Variants in SLC7A6 observed in about 807,000 individuals in gnomAD.
The protein encoded by SLC7A6 is Y+L amino acid transporter 2.
Under a neutral mutation model 46.6 loss-of-function variants are expected in SLC7A6, and 29 were observed. The ratio of observed to expected loss-of-function variants is 0.62; its 90% confidence interval spans 0.46 to 0.85. The LOEUF is 0.85. Ranked by LOEUF, SLC7A6 falls within the 40% of genes least tolerant of loss-of-function variation. The pLI, the probability that SLC7A6 is intolerant of heterozygous loss-of-function variation, is 0.00. For missense variants in SLC7A6, 527 were observed against 647.6 expected, an observed-to-expected ratio of 0.81 and a Z score of 2.02; for synonymous variants, 276 against 257.3, an observed-to-expected ratio of 1.07 and a Z score of -0.70.
At chr16:68,282,150 T>C (rs2042839533) in intron 3 of SLC7A6, among the ~76,000 whole-genome samples, 1 of 152,226 alleles carries the variant, frequency 6.6e-6, no homozygotes, top group Non-Finnish European at 1.5e-5. Flanking sequence ...CAGACAACTT[T>C]CTTGTTCTGA....
At chr16:68,275,298 T>C (rs2042690305) in intron 3 of SLC7A6, 49 bp downstream of exon 3, 3 of 1,444,708 alleles carry the variant, frequency 2.1e-6, no homozygotes, top group Admixed American at 1.7e-5. Context: ...GGGGGTACTA[T>C]AATAACGGTA....
chr16:68,301,545 A>C lies in SLC7A6; in HGVS notation c.*4217A>C. The C allele has an allele frequency of 1.6e-6, 1 of 642,548 alleles. No individual in the cohort carries two copies. 39.8% of individuals were successfully genotyped at this position (642,548 alleles called of 1,614,324 possible). A position where few individuals can be genotyped will look rare whatever the true frequency, so the allele number is the denominator to read the frequency against. On this transcript the variant is annotated 3_prime_UTR_variant, in exon 11 of 11. Coordinates refer to ENST00000219343, the MANE Select transcript of SLC7A6 (RefSeq NM_003983.6). ...GCTCAATAAATAAAAAAGAATATAG[A>C]ATTCTTTTTTTTTTAAAGAAGGAAT...
intron 2 of SLC7A6, among the ~76,000 whole-genome samples, chr16:68,267,653 G>A (rs1367141570): frequency 1.3e-5 from 2 of 152,182 alleles, no homozygotes; most frequent in Non-Finnish European, 2.9e-5. Flanking sequence ...TCTTCAGCCC[G>A]TTTCCTAGCA....
chr16:68,266,889 TAC>T, intron 2 of SLC7A6, among the ~76,000 whole-genome samples, 168 bp downstream of exon 2: 1 of 152,146 alleles, frequency 6.6e-6, no homozygotes, highest in East Asian at 1.9e-4. Context: ...AAATAAATTA[TAC>T]ATTTATTTAT....
At chr16:68,268,046 T>C (rs2042565544) in intron 2 of SLC7A6, among the ~76,000 whole-genome samples, 1 of 152,218 alleles carries the variant, frequency 6.6e-6, no homozygotes, top group Non-Finnish European at 1.5e-5. Flanking sequence ...GCAAACCTCT[T>C]CATCTGTATC....
At chr16:68,280,166 T>C (rs2042803331) in intron 3 of SLC7A6, among the ~76,000 whole-genome samples, 1 of 152,200 alleles carries the variant, frequency 6.6e-6, no homozygotes, top group African/African-American at 2.4e-5. Context: ...CCAATTAGGT[T>C]ATTTAGGGGA....
At chr16:68,270,861 A>ATTT (rs11301249) in intron 2 of SLC7A6, among the ~76,000 whole-genome samples, 16 of 142,900 alleles carry the variant, frequency 1.1e-4, no homozygotes, top group Non-Finnish European at 1.8e-4. Flanking sequence ...TTTATATTGG[A>ATTT]TTTTTTTTTT....
Position 68,297,364 on chromosome 16 carries a change from G to C in SLC7A6, c.*36G>C. On this transcript the variant is annotated 3_prime_UTR_variant, in exon 11 of 11. Coordinates refer to ENST00000219343, the MANE Select transcript of SLC7A6 (RefSeq NM_003983.6). ...TGGCTTTCTGAGGCCTGGAAGGCAGGCCAACCAGCAAAATCCTGATAACAA... is the reference window on the plus strand; with the variant it reads ...TGGCTTTCTGAGGCCTGGAAGGCAGCCCAACCAGCAAAATCCTGATAACAA... 4.5e-6 allele frequency: 7 copies of C among 1,571,660 alleles called. No homozygotes were observed. Among genetic ancestry groups the C allele is most frequent in the Non-Finnish European group, 6.1e-6 (7 of 1,144,430 alleles).
At chr16:68,290,201 A>G in intron 4 of SLC7A6, 195 bp from the exon 5 acceptor site, 1 of 582,924 alleles carries the variant, frequency 1.7e-6, no homozygotes, top group East Asian at 2.8e-5. Flanking sequence ...TTTGGTGTTA[A>G]ATTATGTTTT....
Position 68,297,468 on chromosome 16 carries a change from C to T in SLC7A6, c.*140C>T. On this transcript the variant is annotated 3_prime_UTR_variant, in exon 11 of 11. Coordinates refer to ENST00000219343, the MANE Select transcript of SLC7A6 (RefSeq NM_003983.6). Reference sequence around the variant, plus strand: ...TAGTGGGGCTCAGGGCCAGTGCTCACTCTTATTGGTAAGCTATAGGAGACT... The same window carrying T: ...TAGTGGGGCTCAGGGCCAGTGCTCATTCTTATTGGTAAGCTATAGGAGACT... 1 of 633,372 alleles carries T rather than the reference C, an allele frequency of 1.6e-6. No homozygotes were observed. Among genetic ancestry groups the T allele is most frequent in the South Asian group, 2.0e-5 (1 of 49,768 alleles). The allele number at this position is 633,372 out of a possible 1,614,324, so 39.2% of individuals were successfully genotyped here.
Position 68,300,895 on chromosome 16 carries a change from T to G in SLC7A6, c.*3567T>G. On this transcript the variant is annotated 3_prime_UTR_variant, in exon 11 of 11. Coordinates refer to ENST00000219343, the MANE Select transcript of SLC7A6 (RefSeq NM_003983.6). ...CCTAGAGGCAGGCAGCCTGGTGGTATGGCACAGCAGAAGCTTACTGCTAAT... is the reference window on the plus strand; with the variant it reads ...CCTAGAGGCAGGCAGCCTGGTGGTAGGGCACAGCAGAAGCTTACTGCTAAT... 1 of 992,956 alleles carries G rather than the reference T, an allele frequency of 1.0e-6. No individual in the cohort carries two copies. Among genetic ancestry groups the G allele is most frequent in the Non-Finnish European group, 1.2e-6 (1 of 834,946 alleles). The allele number at this position is 992,956 out of a possible 1,614,324, so 61.5% of individuals were successfully genotyped here. A position where few individuals can be genotyped will look rare whatever the true frequency, so the allele number is the denominator to read the frequency against.
chr16:68,301,522 T>A lies in SLC7A6; in HGVS notation c.*4194T>A. On this transcript the variant is annotated 3_prime_UTR_variant, in exon 11 of 11. Transcript: ENST00000219343. Reference sequence around the variant, plus strand: ...CCCGATTGTAATGCAAAATCCTTGCTCAATAAATAAAAAAGAATATAGAAT... The same window carrying A: ...CCCGATTGTAATGCAAAATCCTTGCACAATAAATAAAAAAGAATATAGAAT... 1 of 759,458 alleles carries A rather than the reference T, an allele frequency of 1.3e-6. No individual in the cohort carries two copies. The highest frequency in any genetic ancestry group is 2.0e-6 in the Non-Finnish European group (1 of 497,612). The allele number at this position is 759,458 out of a possible 1,614,324, so 47.0% of individuals were successfully genotyped here.
At chr16:68,293,418 C>T (rs1345062873) in intron 7 of SLC7A6, among the ~76,000 whole-genome samples, 1 of 152,118 alleles carries the variant, frequency 6.6e-6, no homozygotes, top group Non-Finnish European at 1.5e-5. Flanking sequence ...AGCGAGACTC[C>T]ATCTCAAAAA....
Position 68,275,001 on chromosome 16 carries a change from TTGTGGG to T in SLC7A6, c.278_283del (p.Val93_Gly94del). ...TGGGCCATTGGTGGGCTCTTCTCTG[TTGTGGG>T]TGCCCTTTGTTATGCAGAGCTGGGG... On this transcript the variant is annotated inframe_deletion, in exon 3 of 11. Transcript: ENST00000219343. 1.2e-6 allele frequency: 2 copies of T among 1,614,166 alleles called. No individual in the cohort carries two copies. The highest frequency in any genetic ancestry group is 1.7e-6 in the Non-Finnish European group (2 of 1,180,026).
chr16:68,296,473 A>G lies in SLC7A6; in HGVS notation c.1229A>G (p.Tyr410Cys). Residue 410 changes from tyrosine to cysteine, a missense_variant, in exon 9 of 11, where the codon TAC becomes TGC. Transcript: ENST00000219343. ...GGCCTGTCTGTTGTTGGACAGCTCT[A>G]CCTCCGCTGGAAGGAGCCCAAGCGG... is the stretch of plus-strand genomic sequence containing the variant. ...FVGLSVVGQLYLRWKEPKRPR... is the reference protein window; with the variant it reads ...FVGLSVVGQLCLRWKEPKRPR... 1 of 1,613,896 alleles carries G rather than the reference A, an allele frequency of 6.2e-7. No individual in the cohort carries two copies. Among genetic ancestry groups the G allele is most frequent in the South Asian group, 1.1e-5 (1 of 91,072 alleles).
chr16:68,279,495 A>G (rs1035871129), intron 3 of SLC7A6, among the ~76,000 whole-genome samples: 3 of 152,076 alleles, frequency 2.0e-5, no homozygotes, highest in Admixed American at 2.0e-4. Context: ...TCATTGACCA[A>G]CTGTTGATCT....
chr16:68,278,807 C>T (rs2042769780), intron 3 of SLC7A6, among the ~76,000 whole-genome samples: 3 of 151,992 alleles, frequency 2.0e-5, no homozygotes, highest in Admixed American at 2.0e-4. Context: ...TCATGGCCCG[C>T]TCTCAATGAG....
intron 3 of SLC7A6, among the ~76,000 whole-genome samples, chr16:68,285,822 T>C (rs946042532): frequency 6.6e-6 from 1 of 152,040 alleles, no homozygotes; most frequent in Non-Finnish European, 1.5e-5. Context: ...TGGCCAGGCA[T>C]AGTGGCTCAT....
intron 4 of SLC7A6, among the ~76,000 whole-genome samples, chr16:68,288,842 T>C (rs2042989371): frequency 6.6e-6 from 1 of 150,606 alleles, no homozygotes; most frequent in South Asian, 2.1e-4. Flanking sequence ...TGCGCGCCTG[T>C]AATCCCAGCT....
Sources: allele counts gnomAD v4.1 joint callset (sites outside exome capture counted in the v4.1 genomes callset), GRCh38; gene constraint gnomAD v4.1.1; transcripts MANE v1.5; gene names NCBI Gene and HGNC (gene_info 2026-07-23, HGNC 2026-07-21).